DMD: variants seen among roughly 807,000 people sequenced by gnomAD.
The protein encoded by DMD is mutant dystrophin.
Under a neutral mutation model 330.1 loss-of-function variants are expected in DMD, and 63 were observed. The observed-to-expected ratio is 0.19, with a 90% CI of 0.16 to 0.24. The LOEUF (loss-of-function observed/expected upper bound fraction) is 0.24, where lower values mean the gene tolerates loss of function less well. DMD is among the 10% of genes least tolerant of loss of function. DMD has a pLI of 1.00. For synonymous variants in DMD, 1,223 were observed against 959.8 expected, an observed-to-expected ratio of 1.27 and a Z score of -5.07; for missense variants, 3,344 against 2,684.1, an observed-to-expected ratio of 1.25 and a Z score of -5.43.
intron 7 of DMD, among the ~76,000 whole-genome samples, chrX:32,734,477 A>G (rs1433320838): frequency 9.3e-6 from 1 of 107,791 alleles, no homozygotes; most frequent in East Asian, 2.9e-4. Flanking sequence ...AGAATTTTAG[A>G]CCAATATCCT....
At chrX:32,543,616 G>C (rs1274308583) in intron 17 of DMD, among the ~76,000 whole-genome samples, 1 of 112,011 alleles carries the variant, frequency 8.9e-6, no homozygotes, top group Non-Finnish European at 1.9e-5. Context: ...CATCTTACTA[G>C]GAATAATAAA....
At chrX:31,889,090 C>T (rs1039712252) in intron 47 of DMD, among the ~76,000 whole-genome samples, 23 of 111,818 alleles carry the variant, frequency 2.1e-4, no homozygotes, top group African/African-American at 7.2e-4. Context: ...AGACCTCAAA[C>T]ATATAATACA....
At chrX:32,452,083 A>G (rs1011546437) in intron 26 of DMD, among the ~76,000 whole-genome samples, 3 of 108,852 alleles carry the variant, frequency 2.8e-5, no homozygotes, top group Non-Finnish European at 5.8e-5. Flanking sequence ...TGACATAGGC[A>G]AATCGCTCAT....
chrX:31,527,064 A>T (rs1353610599), intron 55 of DMD, among the ~76,000 whole-genome samples: 1 of 111,600 alleles, frequency 9.0e-6, no homozygotes, highest in Non-Finnish European at 1.9e-5. Flanking sequence ...GCAGTGAGCC[A>T]TGATTGTGCC....
intron 48 of DMD, among the ~76,000 whole-genome samples, chrX:31,871,186 C>T (rs1192407082): frequency 4.5e-5 from 5 of 111,022 alleles, no homozygotes; most frequent in Admixed American, 9.6e-5. Flanking sequence ...GCTGTGATTA[C>T]GCCTAATTTT....
chrX:31,271,457 G>A (rs928134668), intron 62 of DMD, among the ~76,000 whole-genome samples: 2 of 110,913 alleles, frequency 1.8e-5, no homozygotes, highest in East Asian at 5.7e-4. Context: ...TTCCTTTCTG[G>A]GTTGCATGTG....
intron 67 of DMD, among the ~76,000 whole-genome samples, chrX:31,201,158 T>TACACACACACACACAC (rs57235865): frequency 1.0e-5 from 1 of 98,280 alleles, no homozygotes; most frequent in African/African-American, 3.9e-5. Context: ...AGAGACCCTG[T>TACACACACACACACAC]ACACACACAC....
intron 12 of DMD, among the ~76,000 whole-genome samples, chrX:32,604,976 C>G (rs1313110774): frequency 9.0e-6 from 1 of 111,048 alleles, no homozygotes; most frequent in Non-Finnish European, 1.9e-5. Flanking sequence ...AACCACACTG[C>G]TCAAAGCAAT....
chrX:32,076,770 C>G (rs975008947), intron 44 of DMD, among the ~76,000 whole-genome samples: 1 of 111,332 alleles, frequency 9.0e-6, no homozygotes, highest in Admixed American at 9.5e-5. Flanking sequence ...GTCTTGTCTG[C>G]CTCACTCTCA....
intron 1 of DMD, among the ~76,000 whole-genome samples, chrX:33,176,617 C>CCA (rs2049675925): frequency 9.1e-6 from 1 of 109,557 alleles, no homozygotes; most frequent in Non-Finnish European, 1.9e-5. Context: ...GTTGATGGAA[C>CCA]ATAGCATTTG....
At chrX:31,297,545 C>A (rs909144191) in intron 62 of DMD, among the ~76,000 whole-genome samples, 3 of 111,919 alleles carry the variant, frequency 2.7e-5, no homozygotes, top group African/African-American at 9.7e-5. Context: ...ACATTGAAAT[C>A]TTTTCATCAT....
chrX:33,221,972 TA>T (rs1228910793), intron 1 of DMD, among the ~76,000 whole-genome samples: 2 of 110,949 alleles, frequency 1.8e-5, no homozygotes, highest in African/African-American at 6.5e-5. Flanking sequence ...ATTGGAAAAG[TA>T]TGCCAATCTT....
At chrX:32,682,256 T>C (rs1224218300) in intron 9 of DMD, among the ~76,000 whole-genome samples, 1 of 111,726 alleles carries the variant, frequency 9.0e-6, no homozygotes, top group African/African-American at 3.3e-5. Flanking sequence ...GTTACCACTA[T>C]TCCACAAGAC....
chrX:31,890,547 C>T (rs189187968), intron 47 of DMD, among the ~76,000 whole-genome samples: 1 of 111,008 alleles, frequency 9.0e-6, no homozygotes, highest in Admixed American at 9.7e-5. Context: ...AGACCATACT[C>T]ATTATAAAAA....
chrX:31,845,375 GTCTCTCTCTCTCTCTCTCTCTC>G (rs535397626), intron 48 of DMD, among the ~76,000 whole-genome samples: 17 of 60,109 alleles, frequency 2.8e-4, no homozygotes, highest in South Asian at 1.3e-3. Context: ...ACAGAATAAA[GTCTCTCTCTCTCTCTCTCTCTC>G]TCTCTCTCTC....
At chrX:32,087,199 G>A (rs939427701) in intron 44 of DMD, among the ~76,000 whole-genome samples, 4 of 111,708 alleles carry the variant, frequency 3.6e-5, no homozygotes, top group Middle Eastern at 9.2e-3. Flanking sequence ...ATGTAGAAAC[G>A]TACATGTAAT....
At chrX:32,748,407 G>A (rs2070360402) in intron 7 of DMD, among the ~76,000 whole-genome samples, 1 of 110,371 alleles carries the variant, frequency 9.1e-6, no homozygotes. Flanking sequence ...CGAGGGTGGG[G>A]CATTTAATCC....
At chrX:32,472,051 C>A in intron 22 of DMD, 113 bp downstream of exon 22, 3 of 969,865 alleles carry the variant, frequency 3.1e-6, no homozygotes, top group South Asian at 4.1e-5. Flanking sequence ...GCTCAATGGG[C>A]AAACTACCAT....
intron 43 of DMD, among the ~76,000 whole-genome samples, chrX:32,247,387 A>C (rs183946048): frequency 1.7e-4 from 19 of 112,164 alleles, no homozygotes; most frequent in African/African-American, 5.2e-4. Context: ...AATAAATGCC[A>C]AAAATCGTTA....
Sources: gnomAD v4.1 joint callset for allele counts (sites outside exome capture counted in the v4.1 genomes callset) on GRCh38, gnomAD v4.1.1 for gene constraint, MANE v1.5 for transcripts, NCBI Gene and HGNC (gene_info 2026-07-23, HGNC 2026-07-21) for gene names.